PARD3: variants seen among roughly 807,000 people sequenced by gnomAD.
PARD3 encodes the protein partitioning defective 3 homolog.
Under a neutral mutation model 155.4 loss-of-function variants are expected in PARD3, and 75 were observed. That is an observed-to-expected ratio of 0.48 (90% CI 0.40 to 0.58). PARD3 has a LOEUF of 0.58. Among genes scored for constraint, PARD3 ranks in the 20% least tolerant of loss-of-function variants. The pLI, the probability that PARD3 is intolerant of heterozygous loss-of-function variation, is 0.00. For synonymous variants in PARD3, 576 were observed against 610.5 expected, an observed-to-expected ratio of 0.94 and a Z score of 0.83; for missense variants, 1,642 against 1,721.7, an observed-to-expected ratio of 0.95 and a Z score of 0.82.
chr10:34,353,910 A>C (rs1400522306), intron 14 of PARD3, among the ~76,000 whole-genome samples: 4 of 151,776 alleles, frequency 2.6e-5, no homozygotes, highest in African/African-American at 4.8e-5. Flanking sequence ...GGCTTTAAAC[A>C]ATGGGAAGCC....
At chr10:34,427,253 A>G (rs1017890257) in intron 5 of PARD3, among the ~76,000 whole-genome samples, 1 of 152,216 alleles carries the variant, frequency 6.6e-6, no homozygotes, top group Non-Finnish European at 1.5e-5. Flanking sequence ...AACGGGTAAG[A>G]GAAATATTGC....
At chr10:34,443,668 C>A (rs2076587930) in intron 5 of PARD3, among the ~76,000 whole-genome samples, 1 of 152,092 alleles carries the variant, frequency 6.6e-6, no homozygotes, top group Non-Finnish European at 1.5e-5. Flanking sequence ...AATTACCTCC[C>A]ACCAGGACCC....
intron 20 of PARD3, among the ~76,000 whole-genome samples, chr10:34,308,629 G>A (rs1018225592): frequency 1.3e-5 from 2 of 152,102 alleles, no homozygotes; most frequent in African/African-American, 2.4e-5. Flanking sequence ...AGTTGGGAGC[G>A]TGTGAAGTTT....
At position 34,110,513 on chromosome 10, in the gene PARD3, A is replaced by C. The variant is rs922992304; in HGVS notation, c.*656T>G. 1.3e-5 allele frequency: 2 copies of C among 152,220 alleles called. No homozygotes were observed. Among genetic ancestry groups the C allele is most frequent in the African/African-American group, 4.8e-5 (2 of 41,442 alleles). 9.4% of individuals were successfully genotyped at this position (152,220 alleles called of 1,614,324 possible). A position where few individuals can be genotyped will look rare whatever the true frequency, so the allele number is the denominator to read the frequency against. ...AGCGTATGTATAAACGCAGACCAGG[A>C]TCATCACTTTATTGGTAATGTTGAG... is the stretch of plus-strand genomic sequence containing the variant. On this transcript the variant is annotated 3_prime_UTR_variant, in exon 25 of 25. Transcript: ENST00000374788.
chr10:34,290,276 T>C (rs1589070762), intron 20 of PARD3, among the ~76,000 whole-genome samples: 1 of 152,248 alleles, frequency 6.6e-6, no homozygotes, highest in African/African-American at 2.4e-5. Flanking sequence ...TCTGCTGCCA[T>C]ATTTAAAAAT....
intron 18 of PARD3, among the ~76,000 whole-genome samples, chr10:34,331,695 A>C (rs1353381685): frequency 1.3e-5 from 2 of 152,218 alleles, no homozygotes; most frequent in African/African-American, 2.4e-5. Flanking sequence ...AAAGCAAGGG[A>C]AGATGAGGAG....
chr10:34,241,796 G>T (rs994142120), intron 22 of PARD3, among the ~76,000 whole-genome samples: 3 of 152,158 alleles, frequency 2.0e-5, no homozygotes, highest in Non-Finnish European at 4.4e-5. Context: ...GGACCCAGAA[G>T]TCCCAGACCA....
At chr10:34,531,552 G>A (rs1275009602) in intron 2 of PARD3, among the ~76,000 whole-genome samples, 1 of 152,124 alleles carries the variant, frequency 6.6e-6, no homozygotes, top group East Asian at 1.9e-4. Flanking sequence ...TTCAATATGA[G>A]ATGAAAAGGT....
At chr10:34,405,980 C>G (rs1374966883) in intron 5 of PARD3, among the ~76,000 whole-genome samples, 2 of 152,144 alleles carry the variant, frequency 1.3e-5, no homozygotes, top group East Asian at 1.9e-4. Flanking sequence ...GACTTCTGTT[C>G]TGTGTGTGTA....
At chr10:34,573,465 G>A (rs1399151329) in intron 2 of PARD3, among the ~76,000 whole-genome samples, 4 of 152,078 alleles carry the variant, frequency 2.6e-5, no homozygotes, top group Admixed American at 2.6e-4. Flanking sequence ...ACTTTGGGAG[G>A]CCAAGGTGGG....
At chr10:34,571,989 T>C (rs1373057172) in intron 2 of PARD3, among the ~76,000 whole-genome samples, 1 of 152,170 alleles carries the variant, frequency 6.6e-6, no homozygotes. Context: ...GCCTTTGCGT[T>C]ACCCAAGCAA....
chr10:34,787,774 CTT>C (rs879835386), intron 1 of PARD3, among the ~76,000 whole-genome samples: 101 of 139,908 alleles, frequency 7.2e-4, no homozygotes, highest in Non-Finnish European at 8.1e-4. Context: ...AACCAACATC[CTT>C]TTTTTTTTTT....
rs186489886 is a variant in PARD3 at position 34,470,601 on chromosome 10, C to A, written c.404-338G>T. Among the ~76,000 whole-genome samples, 91 of 152,236 alleles carry A rather than the reference C, an allele frequency of 6.0e-4. 1 individual carries two copies. Among genetic ancestry groups the A allele is most frequent in the African/African-American group, 2.1e-3 (86 of 41,548 alleles). On this transcript the variant is annotated intron_variant, in intron 3 of 24. Coordinates refer to ENST00000374788, the MANE Select transcript of PARD3 (RefSeq NM_001184785.2). The stretch of plus-strand genomic sequence containing the variant: ...GAAAATAAAACAGTACCTCTTTCAT[C>A]AGGGTAATGTAAGGACTAAATAATA...
At chr10:34,470,528 G>T (rs1483059186) in intron 3 of PARD3, among the ~76,000 whole-genome samples, 1 of 152,140 alleles carries the variant, frequency 6.6e-6, no homozygotes, top group Non-Finnish European at 1.5e-5. Context: ...TGTGGCCCTG[G>T]CCAGGTTGCC....
chr10:34,449,079 C>T (rs947550949), intron 5 of PARD3, among the ~76,000 whole-genome samples: 3 of 100,588 alleles, frequency 3.0e-5, no homozygotes, highest in African/African-American at 1.0e-4. Context: ...CCACCACGCC[C>T]GGCTATTTTT....
chr10:34,192,768 C>A (rs1438480045), intron 22 of PARD3, among the ~76,000 whole-genome samples: 1 of 152,138 alleles, frequency 6.6e-6, no homozygotes, highest in Non-Finnish European at 1.5e-5. Context: ...TGCCTGTGAT[C>A]TGTGTTATCT....
At chr10:34,155,668 ATGTGTG>A (rs3039232) in intron 22 of PARD3, among the ~76,000 whole-genome samples, 6,270 of 140,376 alleles carry the variant, frequency 0.045, 145 homozygotes, top group Non-Finnish European at 0.052. Flanking sequence ...CCCTCTAAAA[ATGTGTG>A]TGTGTGTGTG....
chr10:34,392,555 T>C (rs55770129), intron 7 of PARD3, among the ~76,000 whole-genome samples: 19 of 152,178 alleles, frequency 1.2e-4, no homozygotes, highest in African/African-American at 4.1e-4. Context: ...CTCACCACCA[T>C]CTTCACAGGG....
At chr10:34,627,430 A>G (rs2092036404) in intron 2 of PARD3, among the ~76,000 whole-genome samples, 1 of 152,218 alleles carries the variant, frequency 6.6e-6, no homozygotes, top group African/African-American at 2.4e-5. Flanking sequence ...TGGAGATCGG[A>G]TCTTTATTGG....
Sources: gnomAD v4.1 joint callset for allele counts (sites outside exome capture counted in the v4.1 genomes callset) on GRCh38, gnomAD v4.1.1 for gene constraint, MANE v1.5 for transcripts, NCBI Gene and HGNC (gene_info 2026-07-23, HGNC 2026-07-21) for gene names.